Variants in DLGAP2 observed in about 807,000 individuals in gnomAD.
DLGAP2 encodes the protein DLG associated protein 2, also known as disks large-associated protein 2.
DLGAP2 carries 26 observed loss-of-function variants against 100.3 expected under a neutral mutation model. The ratio of observed to expected loss-of-function variants is 0.26; its 90% confidence interval spans 0.19 to 0.36. DLGAP2 has a LOEUF of 0.36. Among genes scored for constraint, DLGAP2 ranks in the 10% least tolerant of loss-of-function variants. The pLI is 1.00. For missense variants in DLGAP2, 1,858 were observed against 1,453.2 expected (o/e 1.28, Z -4.53); for synonymous variants, 886 against 630.1 (o/e 1.41, Z -6.08).
intron 2 of DLGAP2, among the ~76,000 whole-genome samples, chr8:1,113,676 G>T (rs530505492): frequency 1.3e-5 from 2 of 152,018 alleles, no homozygotes; most frequent in African/African-American, 2.4e-5. Flanking sequence ...CTTTCTGCTT[G>T]GATGCCCTTT....
chr8:903,911 A>T (rs963384376), intron 1 of DLGAP2, among the ~76,000 whole-genome samples: 1 of 152,206 alleles, frequency 6.6e-6, no homozygotes, highest in African/African-American at 2.4e-5. Flanking sequence ...CACATTCGTC[A>T]GGGACCCTCT....
chr8:1,212,181 A>G (rs1798119638), intron 2 of DLGAP2, among the ~76,000 whole-genome samples: 1 of 152,236 alleles, frequency 6.6e-6, no homozygotes, highest in South Asian at 2.1e-4. Flanking sequence ...CATTCCCAAG[A>G]GCCTCATGTT....
At chr8:857,880 T>C (rs1317589589) in intron 1 of DLGAP2, among the ~76,000 whole-genome samples, 1 of 152,178 alleles carries the variant, frequency 6.6e-6, no homozygotes, top group African/African-American at 2.4e-5. Flanking sequence ...TGATTTTTTT[T>C]TTTTTTTGAG....
chr8:1,392,418 C>T (rs34213415), intron 3 of DLGAP2, among the ~76,000 whole-genome samples: 3,387 of 152,244 alleles, frequency 0.022, 67 homozygotes, highest in Non-Finnish European at 0.031. Flanking sequence ...CTGTGGCCCC[C>T]GTCGGCCTGA....
intron 2 of DLGAP2, among the ~76,000 whole-genome samples, chr8:1,033,688 C>G (rs1413019200): frequency 1.3e-5 from 2 of 152,064 alleles, no homozygotes; most frequent in East Asian, 1.9e-4. Context: ...GAATGAGAAC[C>G]GCGAGTGGAT....
chr8:1,327,534 A>T (rs1801049039), intron 3 of DLGAP2, among the ~76,000 whole-genome samples: 1 of 152,164 alleles, frequency 6.6e-6, no homozygotes, highest in African/African-American at 2.4e-5. Context: ...AAAAGTTTAA[A>T]TCTCTTGCAA....
At chr8:1,080,316 G>A (rs940476919) in intron 2 of DLGAP2, among the ~76,000 whole-genome samples, 1 of 152,236 alleles carries the variant, frequency 6.6e-6, no homozygotes, top group Non-Finnish European at 1.5e-5. Flanking sequence ...TCCTCCGGGG[G>A]GCCGGCCTTT....
chr8:1,179,750 A>AT, intron 2 of DLGAP2, among the ~76,000 whole-genome samples: 1 of 152,256 alleles, frequency 6.6e-6, no homozygotes, highest in East Asian at 1.9e-4. Flanking sequence ...TTTATGAAAT[A>AT]TAAATGGGAG....
intron 1 of DLGAP2, among the ~76,000 whole-genome samples, chr8:775,711 T>TCCCA: frequency 8.7e-6 from 1 of 114,338 alleles, no homozygotes; most frequent in South Asian, 3.5e-4. Flanking sequence ...CACTTGATCA[T>TCCCA]GGTGGATAAG....
intron 2 of DLGAP2, among the ~76,000 whole-genome samples, chr8:1,102,470 G>T (rs1349043481): frequency 6.6e-6 from 1 of 151,654 alleles, no homozygotes; most frequent in Non-Finnish European, 1.5e-5. Flanking sequence ...GAGAGACTAA[G>T]TCTCTTAAAT....
chr8:1,641,475 A>T (rs1328503277), intron 8 of DLGAP2, among the ~76,000 whole-genome samples: 1 of 152,216 alleles, frequency 6.6e-6, no homozygotes, highest in Non-Finnish European at 1.5e-5. Context: ...TGAAGCTGTC[A>T]TTGAACAAGT....
chr8:1,495,853 C>T (rs1015931456), intron 3 of DLGAP2, among the ~76,000 whole-genome samples: 4 of 152,314 alleles, frequency 2.6e-5, no homozygotes, highest in African/African-American at 7.2e-5. Context: ...TGTTAAATAG[C>T]GCGTGTCCAT....
chr8:1,659,940 A>G (rs531022262), intron 8 of DLGAP2, among the ~76,000 whole-genome samples: 3 of 152,248 alleles, frequency 2.0e-5, no homozygotes, highest in Admixed American at 6.5e-5. Context: ...CATAGTGTCA[A>G]TGGTCTTTAC....
intron 3 of DLGAP2, among the ~76,000 whole-genome samples, chr8:1,329,177 G>C (rs1801092795): frequency 6.6e-6 from 1 of 152,210 alleles, no homozygotes; most frequent in Non-Finnish European, 1.5e-5. Flanking sequence ...GAGTTCTCAA[G>C]AGATGTGAAG....
intron 1 of DLGAP2, among the ~76,000 whole-genome samples, chr8:800,438 G>T (rs1031603937): frequency 6.6e-6 from 1 of 152,212 alleles, no homozygotes; most frequent in Non-Finnish European, 1.5e-5. Flanking sequence ...ACCAACACCA[G>T]GGGCCCAGCC....
At chr8:1,196,818 C>T (rs1053808987) in intron 2 of DLGAP2, among the ~76,000 whole-genome samples, 1 of 152,088 alleles carries the variant, frequency 6.6e-6, no homozygotes, top group East Asian at 1.9e-4. Context: ...GGTAACTGCT[C>T]ATCACACATA....
intron 3 of DLGAP2, among the ~76,000 whole-genome samples, chr8:1,298,231 C>G (rs377556562): frequency 1.4e-4 from 21 of 152,266 alleles, no homozygotes; most frequent in African/African-American, 5.1e-4. Context: ...AGGATGTGAT[C>G]TTATTTCAGC....
chr8:1,646,518 G>A (rs1264268114), intron 8 of DLGAP2, among the ~76,000 whole-genome samples: 1 of 152,116 alleles, frequency 6.6e-6, no homozygotes, highest in African/African-American at 2.4e-5. Context: ...CCCTTAAAGG[G>A]TATTTTTTCA....
chr8:1,489,499 C>T (rs980342837), intron 3 of DLGAP2, among the ~76,000 whole-genome samples: 4 of 152,180 alleles, frequency 2.6e-5, no homozygotes, highest in Non-Finnish European at 4.4e-5. Flanking sequence ...CTTTTCATTC[C>T]AGGCCATCTC....
Sources: gnomAD v4.1 joint callset for allele counts (sites outside exome capture counted in the v4.1 genomes callset) on GRCh38, gnomAD v4.1.1 for gene constraint, MANE v1.5 for transcripts, NCBI Gene and HGNC (gene_info 2026-07-23, HGNC 2026-07-21) for gene names.